IRGM: variants seen among roughly 807,000 people sequenced by gnomAD.
The protein encoded by IRGM is immunity-related GTPase family M protein.
For synonymous variants in IRGM, 98 were observed against 80.6 expected, an observed-to-expected ratio of 1.22 and a Z score of -1.16; for missense variants, 288 against 219.9, an observed-to-expected ratio of 1.31 and a Z score of -1.96.
At position 150,848,623 on chromosome 5, in the gene IRGM, A is replaced by C; in HGVS notation, c.500A>C (p.Glu167Ala). 1 of 1,546,694 alleles carries C rather than the reference A, an allele frequency of 6.5e-7. No homozygotes were observed. Among genetic ancestry groups the C allele is most frequent in the African/African-American group, 1.4e-5 (1 of 73,068 alleles). ...LPEVQLLQIRENVLENLQKER... is the reference protein window; with the variant it reads ...LPEVQLLQIRANVLENLQKER... ...GAAGTGCAGCTACTGCAGATCAGAG[A>C]AAATGTCCTGGAAAATCTCCAGAAG... The change falls in exon 2 of 2, where the codon GAA becomes GCA. Residue 167 changes from glutamate to alanine, a missense_variant. By Grantham distance (107) the Glu-to-Ala change is moderately radical. Coordinates refer to ENST00000522154, the MANE Select transcript of IRGM (RefSeq NM_001145805.2).
chr5:150,901,884 C>A (rs1006893694), downstream of IRGM, among the ~76,000 whole-genome samples: 1 of 152,056 alleles, frequency 6.6e-6, no homozygotes, highest in African/African-American at 2.4e-5. Flanking sequence ...ATACAAAAGA[C>A]CTTTATATTG....
At chr5:150,859,138 C>G (rs9800175) in intron 1 of IRGM, among the ~76,000 whole-genome samples, 37,812 of 151,910 alleles carry the variant, frequency 0.25, 6,756 homozygotes, top group East Asian at 0.61. Flanking sequence ...TAGCATGAAG[C>G]GTTGTTGAAT....
Position 150,848,322 on chromosome 5 carries a change from G to A in IRGM, c.199G>A (p.Glu67Lys). Reference protein sequence around the residue: ...GHEGKASPPTELVKATQRCAS... With the variant: ...GHEGKASPPTKLVKATQRCAS... The stretch of plus-strand genomic sequence containing the variant: ...TGAGGGTAAGGCCTCACCTCCTACT[G>A]AGCTGGTAAAAGCTACCCAAAGATG... The change falls in exon 2 of 2, where the codon GAG (glutamate) becomes AAG (lysine). Residue 67 changes from glutamate to lysine, a missense_variant. Coordinates refer to ENST00000522154, the MANE Select transcript of IRGM (RefSeq NM_001145805.2). 1 of 1,551,794 alleles carries A rather than the reference G, an allele frequency of 6.4e-7. No homozygotes were observed. Among genetic ancestry groups the A allele is most frequent in the Non-Finnish European group, 8.7e-7 (1 of 1,146,976 alleles).
In IRGM at chr5:150,857,228, A is replaced by G. The variant is rs1297804773; in HGVS notation, c.158+8574A>G. Among the ~76,000 whole-genome samples, 3 of 152,118 alleles carry G rather than the reference A, an allele frequency of 2.0e-5. No homozygotes were observed. The East Asian group carries it at 5.8e-4, about 29-fold the overall frequency. On this transcript the variant is annotated intron_variant and NMD_transcript_variant, in intron 1 of 3. Coordinates refer to the IRGM transcript ENST00000520549. The stretch of plus-strand genomic sequence containing the variant: ...TAGTTTGCTGAGAATGATGGTTTCC[A>G]GTTTCATCCATGTCCCTACAAAGGA...
At position 150,874,189 on chromosome 5, in the gene IRGM, T is replaced by G. The variant is rs192284951; in HGVS notation, c.159-3791T>G. ...CTAGCAAGGCCAGCAATATCCTATC[T>G]TTGGGGTATATCAACTCTCCAGCTT... On this transcript the variant is annotated intron_variant and NMD_transcript_variant, in intron 1 of 3. Transcript: ENST00000520549. 2.5e-3 allele frequency among the ~76,000 whole-genome samples: 380 copies of G among 152,292 alleles called. 2 individuals are homozygous for G. Among genetic ancestry groups the G allele is most frequent in the African/African-American group, 7.9e-3 (327 of 41,560 alleles).
chr5:150,875,786 C>T (rs12654773), intron 1 of IRGM, among the ~76,000 whole-genome samples: 6,116 of 152,226 alleles, frequency 0.04, 195 homozygotes, highest in East Asian at 0.18. Context: ...GAGACCAACA[C>T]GGAGCCCTTG....
At position 150,848,364 on chromosome 5, in the gene IRGM, T is replaced by C; in HGVS notation, c.241T>C (p.Ser81Pro). 3.9e-6 allele frequency: 6 copies of C among 1,551,808 alleles called. No homozygotes were observed. Among genetic ancestry groups the C allele is most frequent in the Non-Finnish European group, 5.2e-6 (6 of 1,146,984 alleles). Residue 81 changes from serine to proline, a missense_variant, in exon 2 of 2, where the codon TCC becomes CCC. Transcript: ENST00000522154. ...CCAAAGATGTGCCTCCTATTTCTCT[T>C]CCCACTTTTCAAATGTGGTGTTGTG... is the stretch of plus-strand genomic sequence containing the variant. ...ATQRCASYFSSHFSNVVLWDL... is the reference protein window; with the variant it reads ...ATQRCASYFSPHFSNVVLWDL...
chr5:150,879,361 T>C (rs956880828), intron 2 of IRGM, among the ~76,000 whole-genome samples: 1 of 152,224 alleles, frequency 6.6e-6, no homozygotes, highest in African/African-American at 2.4e-5. Context: ...GAAAAATCTT[T>C]GTTTTCAGAT....
At chr5:150,873,872 T>C (rs1275083431) in intron 1 of IRGM, among the ~76,000 whole-genome samples, 2 of 152,178 alleles carry the variant, frequency 1.3e-5, no homozygotes, top group Admixed American at 1.3e-4. Flanking sequence ...ATTGTAGAGA[T>C]TAGTGCCACC....
chr5:150,850,577 T>A (rs928075355), downstream of IRGM, among the ~76,000 whole-genome samples: 1 of 152,156 alleles, frequency 6.6e-6, no homozygotes, highest in Non-Finnish European at 1.5e-5. Context: ...CCCCCCTTTT[T>A]TGAGACAGGG....
chr5:150,886,588 G>C (rs920418466), intron 3 of IRGM, among the ~76,000 whole-genome samples: 1 of 151,872 alleles, frequency 6.6e-6, no homozygotes, highest in Non-Finnish European at 1.5e-5. Flanking sequence ...CTCATTATTG[G>C]TCTGTTCAGG....
chr5:150,888,041 C>G (rs193184467), intron 3 of IRGM, among the ~76,000 whole-genome samples: 4 of 152,040 alleles, frequency 2.6e-5, no homozygotes, highest in Non-Finnish European at 5.9e-5. Flanking sequence ...GGTATGGTGT[C>G]TTCAAGAGCA....
intron 3 of IRGM, among the ~76,000 whole-genome samples, chr5:150,883,319 A>C (rs1438960255): frequency 6.6e-6 from 1 of 152,052 alleles, no homozygotes; most frequent in African/African-American, 2.4e-5. Flanking sequence ...GATCTCAAAA[A>C]AACAACGTAG....
At chr5:150,858,480 G>T (rs1239641360) in intron 1 of IRGM, among the ~76,000 whole-genome samples, 2 of 152,192 alleles carry the variant, frequency 1.3e-5, no homozygotes, top group African/African-American at 2.4e-5. Flanking sequence ...TTGGTAGCTT[G>T]ATGGGGATGG....
chr5:150,863,199 C>G (rs181888032), intron 1 of IRGM, among the ~76,000 whole-genome samples: 4 of 151,946 alleles, frequency 2.6e-5, no homozygotes, highest in African/African-American at 9.7e-5. Flanking sequence ...GTGAAACTGG[C>G]GCAGAACAGA....
At position 150,888,002 on chromosome 5, in the gene IRGM, G is replaced by A. The variant is rs776415967; in HGVS notation, c.*140+8356G>A. ...GCCTCCACTTAAAAGGCACTGAGTG[G>A]CCCGCTGGATAAAAAAGCAAGACCC... is the stretch of plus-strand genomic sequence containing the variant. On this transcript the variant is annotated intron_variant and NMD_transcript_variant, in intron 3 of 3. Coordinates refer to the IRGM transcript ENST00000520549. Among the ~76,000 whole-genome samples the A allele has an allele frequency of 1.0e-3, 159 of 152,018 alleles. 1 individual carries two copies. Among genetic ancestry groups the A allele is most frequent in the Non-Finnish European group, 1.6e-3 (111 of 67,950 alleles).
intron 3 of IRGM, among the ~76,000 whole-genome samples, chr5:150,900,091 G>T (rs1754940485): frequency 6.6e-6 from 1 of 151,942 alleles, no homozygotes; most frequent in South Asian, 2.1e-4. Context: ...GAAAACTGAG[G>T]ATTACAGTGG....
intron 2 of IRGM, among the ~76,000 whole-genome samples, chr5:150,878,783 ATAT>A (rs10542952): frequency 0.21 from 31,488 of 151,242 alleles, 5,281 homozygotes; most frequent in African/African-American, 0.45. Flanking sequence ...TATTGTTGTT[ATAT>A]TATTATTATT....
At chr5:150,870,805 C>T (rs77698001) in intron 1 of IRGM, among the ~76,000 whole-genome samples, 26,104 of 151,916 alleles carry the variant, frequency 0.17, 3,212 homozygotes, top group East Asian at 0.43. Flanking sequence ...ATAAGTTACG[C>T]GATCATTTGT....
Sources: allele counts gnomAD v4.1 joint callset (sites outside exome capture counted in the v4.1 genomes callset), GRCh38; gene constraint gnomAD v4.1.1; transcripts MANE v1.5; gene names NCBI Gene and HGNC (gene_info 2026-07-23, HGNC 2026-07-21).